Variants in ABCA4 observed in about 807,000 individuals in gnomAD.
The protein encoded by ABCA4 is retinal-specific phospholipid-transporting ATPase ABCA4.
In ABCA4, 196 loss-of-function variants were observed where a neutral mutation model predicts 263.7. The ratio of observed to expected loss-of-function variants is 0.74; its 90% confidence interval spans 0.66 to 0.84. The LOEUF is 0.84. Among genes scored for constraint, ABCA4 ranks in the 40% least tolerant of loss-of-function variants. The probability of loss-of-function intolerance (pLI) is 0.00; values close to 1 mark genes in which losing one functional copy is unlikely to be tolerated. For missense variants in ABCA4, 2,792 were observed against 2,855.1 expected, an observed-to-expected ratio of 0.98 and a Z score of 0.50; for synonymous variants, 1,133 against 1,094.2, an observed-to-expected ratio of 1.04 and a Z score of -0.70.
chr1:94,110,124 T>C (rs1481949261), intron 3 of ABCA4, among the ~76,000 whole-genome samples: 1 of 152,230 alleles, frequency 6.6e-6, no homozygotes, highest in East Asian at 1.9e-4. Context: ...AGTGCAGTTG[T>C]AAACTAAAAC....
intron 4 of ABCA4, among the ~76,000 whole-genome samples, chr1:94,104,066 G>A (rs899382830): frequency 6.6e-6 from 1 of 152,194 alleles, no homozygotes; most frequent in African/African-American, 2.4e-5. Flanking sequence ...CCTCAAAACA[G>A]CACTCAATAA....
intron 45 of ABCA4, 100 bp downstream of exon 45, chr1:94,001,758 T>A (rs1168656686): frequency 3.2e-6 from 5 of 1,560,486 alleles, no homozygotes; most frequent in Non-Finnish European, 4.4e-6. Context: ...AAAGCCAAAC[T>A]GCTGCAGTTT....
At chr1:94,102,139 G>T (rs1267855781) in intron 5 of ABCA4, among the ~76,000 whole-genome samples, 1 of 152,222 alleles carries the variant, frequency 6.6e-6, no homozygotes, top group Non-Finnish European at 1.5e-5. Context: ...GTTGTGAGGA[G>T]TAAGGGAGCT....
At chr1:94,062,278 G>A (rs967701127) in intron 13 of ABCA4, among the ~76,000 whole-genome samples, 17 of 152,150 alleles carry the variant, frequency 1.1e-4, no homozygotes, top group Non-Finnish European at 4.4e-5. Flanking sequence ...ATACTACATA[G>A]TGGGGAATTT....
intron 32 of ABCA4, among the ~76,000 whole-genome samples, chr1:94,023,038 A>G (rs983695528): frequency 2.0e-5 from 3 of 152,180 alleles, no homozygotes; most frequent in African/African-American, 7.2e-5. Context: ...CTTAAAAGGA[A>G]TGGGCCAAGG....
At chr1:94,039,793 G>T (rs558039116) in intron 24 of ABCA4, among the ~76,000 whole-genome samples, 1 of 152,326 alleles carries the variant, frequency 6.6e-6, no homozygotes, top group Non-Finnish European at 1.5e-5. Flanking sequence ...GCTTACTAAG[G>T]GTAAGAGCAC....
intron 11 of ABCA4, among the ~76,000 whole-genome samples, chr1:94,071,426 A>C (rs1661396181): frequency 6.6e-6 from 1 of 152,210 alleles, no homozygotes. Context: ...ATTTATCCAG[A>C]GAATACTTTC....
chr1:94,069,594 T>C (rs1661354827), intron 11 of ABCA4, among the ~76,000 whole-genome samples: 1 of 152,196 alleles, frequency 6.6e-6, no homozygotes, highest in South Asian at 2.1e-4. Context: ...GGTAGACACC[T>C]GGGGTTCCTT....
intron 13 of ABCA4, among the ~76,000 whole-genome samples, 161 bp downstream of exon 13, chr1:94,062,416 G>A (rs1440416383): frequency 6.6e-6 from 1 of 152,128 alleles, no homozygotes; most frequent in Non-Finnish European, 1.5e-5. Flanking sequence ...CTTGGGAGAA[G>A]CAGGTTCCTC....
chr1:94,060,060 C>A (rs1225526932), intron 14 of ABCA4, among the ~76,000 whole-genome samples: 1 of 152,118 alleles, frequency 6.6e-6, no homozygotes, highest in Non-Finnish European at 1.5e-5. Context: ...AGGAGGTGAC[C>A]ATGATGATGA....
intron 40 of ABCA4, among the ~76,000 whole-genome samples, chr1:94,009,762 C>A (rs961696954): frequency 2.6e-5 from 4 of 152,196 alleles, no homozygotes; most frequent in African/African-American, 9.7e-5. Context: ...GTGTTGACAT[C>A]AGAGTTTGAA....
chr1:94,080,375 A>G, intron 8 of ABCA4, 103 bp downstream of exon 8: 1 of 1,525,162 alleles, frequency 6.6e-7, no homozygotes, highest in Non-Finnish European at 9.1e-7. Context: ...ACTCAGCAAG[A>G]CAAGACAGAT....
chr1:94,098,712 G>A (rs1056730375), intron 6 of ABCA4, 82 bp downstream of exon 6: 43 of 1,507,072 alleles, frequency 2.9e-5, no homozygotes, highest in African/African-American at 1.5e-4. Context: ...CCAGGCTCAC[G>A]CCCTCCCCAA....
rs1557787473 is a variant in ABCA4, at chr1:94,062,668, C to T, written c.1846G>A (p.Glu616Lys). Reference sequence around the variant, plus strand: ...ACCTGGCTCCTTGTGATCCCCTGTTCAACCATGTCCTGCAGATAGGCAAAC... The same window carrying T: ...ACCTGGCTCCTTGTGATCCCCTGTTTAACCATGTCCTGCAGATAGGCAAAC... Reference protein sequence around the residue: ...GGFAYLQDMVEQGITRSQVQA... With the variant: ...GGFAYLQDMVKQGITRSQVQA... The change falls in exon 13 of 50, where the codon GAA (glutamate) becomes AAA (lysine). Residue 616 changes from glutamate to lysine, a missense_variant. Physicochemically the swap from Glu to Lys is moderately conservative, Grantham distance 56. Transcript: ENST00000370225. The T allele has an allele frequency of 6.2e-7, 1 of 1,614,186 alleles. No homozygotes were observed. Among genetic ancestry groups the T allele is most frequent in the Non-Finnish European group, 8.5e-7 (1 of 1,180,044 alleles).
rs560785896 is a variant in ABCA4, at chr1:94,036,614, C to T, written c.3862+126G>A. On this transcript the variant is annotated intron_variant, in intron 26 of 49. Transcript: ENST00000370225. ...CTGGTCTCGAACTCAGGTGGTCCAT[C>T]TGCCTTGGCCTCCCAAATTGCTGGG... 65 of 1,016,274 alleles carry T rather than the reference C, an allele frequency of 6.4e-5. No individual in the cohort carries two copies. The South Asian group carries it at 8.2e-4, about 13-fold the overall frequency. 63.0% of individuals were successfully genotyped at this position (1,016,274 alleles called of 1,614,324 possible). A position where few individuals can be genotyped will look rare whatever the true frequency, so the allele number is the denominator to read the frequency against.
intron 38 of ABCA4, among the ~76,000 whole-genome samples, chr1:94,013,412 G>C (rs979462179): frequency 6.6e-6 from 1 of 152,220 alleles, no homozygotes; most frequent in South Asian, 2.1e-4. Context: ...TTCCCCAGTG[G>C]GGCCCAGAGG....
At chr1:94,038,143 T>G (rs1660393475) in intron 24 of ABCA4, among the ~76,000 whole-genome samples, 2 of 146,184 alleles carry the variant, frequency 1.4e-5, no homozygotes, top group Admixed American at 6.8e-5. Context: ...AGAGGGGGGG[T>G]TGAGAAGCCA....
intron 4 of ABCA4, among the ~76,000 whole-genome samples, chr1:94,104,981 A>G (rs1014871792): frequency 3.3e-5 from 5 of 151,964 alleles, no homozygotes; most frequent in Admixed American, 2.0e-4. Flanking sequence ...ACACACATGC[A>G]CACACACATG....
chr1:94,011,451 G>A, intron 38 of ABCA4, 66 bp from the exon 39 acceptor site: 1 of 1,610,070 alleles, frequency 6.2e-7, no homozygotes, highest in Non-Finnish European at 8.5e-7. Flanking sequence ...TCAGCAGGTG[G>A]GGCCCAGATG....
Sources: gnomAD v4.1 joint callset for allele counts (sites outside exome capture counted in the v4.1 genomes callset) on GRCh38, gnomAD v4.1.1 for gene constraint, MANE v1.5 for transcripts, NCBI Gene and HGNC (gene_info 2026-07-23, HGNC 2026-07-21) for gene names.